BRD3: variants seen among roughly 807,000 people sequenced by gnomAD.
BRD3 encodes the protein bromodomain-containing protein 3.
Under a neutral mutation model 66.8 loss-of-function variants are expected in BRD3, and 17 were observed. The ratio of observed to expected loss-of-function variants is 0.25; its 90% CI spans 0.17 to 0.38. The LOEUF is 0.38. Among genes scored for constraint, BRD3 ranks in the 10% least tolerant of loss-of-function variants. The pLI, the probability that BRD3 is intolerant of heterozygous loss-of-function variation, is 1.00. For synonymous variants in BRD3, 421 were observed against 393.2 expected (o/e 1.07, Z -0.84); for missense variants, 713 against 956.1 (o/e 0.75, Z 3.35).
At chr9:134,035,812 C>A (rs564548945) in intron 10 of BRD3, among the ~76,000 whole-genome samples, 2 of 152,358 alleles carry the variant, frequency 1.3e-5, no homozygotes, top group African/African-American at 4.8e-5. Flanking sequence ...GGAAAGAGGG[C>A]TCTGGCTGGG....
intron 1 of BRD3, among the ~76,000 whole-genome samples, chr9:134,059,515 G>A (rs777288931): frequency 7.0e-6 from 1 of 143,544 alleles, no homozygotes; most frequent in African/African-American, 2.6e-5. Context: ...CCTTCGTGCC[G>A]CAATCCCTCC....
chr9:134,050,380 G>T lies in BRD3; in HGVS notation c.708C>A (p.Val236=). 1 of 1,610,570 alleles carries T rather than the reference G, an allele frequency of 6.2e-7. No homozygotes were observed. The highest frequency in any genetic ancestry group is 8.5e-7 in the Non-Finnish European group (1 of 1,179,482). ...IVPVVPPTPP[V]VKKKGVKRKA... ...CCGGACTCAGGGTGCTCACCTTGACGACAGGCGGCGTAGGAGGGACCACGG... is the reference window on the plus strand; with the variant it reads ...CCGGACTCAGGGTGCTCACCTTGACTACAGGCGGCGTAGGAGGGACCACGG... Residue 236 remains valine, a synonymous_variant, in exon 5 of 12, where the codon GTC becomes GTA. Transcript: ENST00000303407.
chr9:134,050,276 A>G, intron 5 of BRD3, 98 bp downstream of exon 5: 9 of 1,108,644 alleles, frequency 8.1e-6, no homozygotes, highest in Non-Finnish European at 1.2e-5. Flanking sequence ...GCCAGCACTC[A>G]GGGAAAGGTG....
At chr9:134,042,644 T>TACACACAC (rs1291806834) in intron 7 of BRD3, among the ~76,000 whole-genome samples, 14 of 128,872 alleles carry the variant, frequency 1.1e-4, no homozygotes, top group South Asian at 3.1e-4. Context: ...CTCAAATATA[T>TACACACAC]ATACACACAC....
At chr9:134,061,769 T>G (rs1310763087) in intron 1 of BRD3, among the ~76,000 whole-genome samples, 1 of 152,246 alleles carries the variant, frequency 6.6e-6, no homozygotes, top group South Asian at 2.1e-4. Flanking sequence ...AGAGCCAGCT[T>G]GAACAAAGCT....
rs538807645 is a variant in BRD3, at chr9:134,046,812, G to A, written c.1086+1271C>T. The stretch of plus-strand genomic sequence containing the variant: ...GAGGTGGGAAGCTCCGAACAAAGCA[G>A]ATCATGACTTTAAAGTGAATTGTTT... On this transcript the variant is annotated intron_variant, in intron 6 of 11. Coordinates refer to ENST00000303407, the MANE Select transcript of BRD3 (RefSeq NM_007371.4). Among the ~76,000 whole-genome samples, 335 of 152,346 alleles carry A rather than the reference G, an allele frequency of 2.2e-3. 2 individuals are homozygous for A. Among genetic ancestry groups the A allele is most frequent in the Non-Finnish European group, 3.9e-3 (262 of 68,038 alleles).
chr9:134,036,499 G>T, intron 9 of BRD3, 175 bp from the exon 10 acceptor site: 1 of 1,590,026 alleles, frequency 6.3e-7, no homozygotes, highest in South Asian at 1.2e-5. Flanking sequence ...CCAGCTGCGG[G>T]GTTTCCAGCC....
In BRD3 at chr9:134,051,715, GAC is replaced by G. The variant is rs1830300318; in HGVS notation, c.352-8_352-7del. On this transcript the variant is annotated splice_polypyrimidine_tract_variant and splice_region_variant and intron_variant, in intron 3 of 11. Coordinates refer to ENST00000303407, the MANE Select transcript of BRD3 (RefSeq NM_007371.4). ...AGCACTATGTCATCTGTGGGCTGAA[GAC>G]ACAGAGAGTCCAGGTCACGTGTCAG... is the stretch of plus-strand genomic sequence containing the variant. 6 of 1,591,052 alleles carry G rather than the reference GAC, an allele frequency of 3.8e-6. No individual in the cohort carries two copies. In the East Asian group the frequency reaches 1.1e-4, roughly 30 times the overall value.
At chr9:134,051,275 AG>A (rs1554829280) in intron 4 of BRD3, among the ~76,000 whole-genome samples, 1 of 152,210 alleles carries the variant, frequency 6.6e-6, no homozygotes, top group African/African-American at 2.4e-5. Flanking sequence ...AAGGGGGAGC[AG>A]GATTTGGGAG....
chr9:134,060,212 G>A (rs1312770405), intron 1 of BRD3, among the ~76,000 whole-genome samples: 3 of 152,224 alleles, frequency 2.0e-5, no homozygotes, highest in Non-Finnish European at 2.9e-5. Flanking sequence ...AAGAGGATCC[G>A]AAACTGCCCA....
chr9:134,067,708 C>G (rs1240920514), intron 1 of BRD3, among the ~76,000 whole-genome samples: 2 of 145,586 alleles, frequency 1.4e-5, no homozygotes, highest in Non-Finnish European at 1.5e-5. Context: ...GGGAGCGGAG[C>G]CCGCGCCACC....
Position 134,045,286 on chromosome 9 carries a change from G to A in BRD3, c.1215+7C>T, listed in dbSNP as rs201467296. 4.6e-5 allele frequency: 75 copies of A among 1,613,040 alleles called. No homozygotes were observed. The highest frequency in any genetic ancestry group is 1.6e-4 in the Middle Eastern group (1 of 6,082). On this transcript the variant is annotated splice_region_variant and intron_variant, in intron 7 of 11. Coordinates refer to ENST00000303407, the MANE Select transcript of BRD3 (RefSeq NM_007371.4). The surrounding 1 kb of genome is among the most constrained non-coding windows in gnomAD (Gnocchi z 4.8). ...AGCAGCCCCACCCGTGCCCAGCCTC[G>A]GGTTACCTGGAGCTTCCGGGCCATG...
At position 134,033,938 on chromosome 9, in the gene BRD3, G is replaced by A. The variant is rs955538147; in HGVS notation, c.2066-233C>T. 3.3e-5 allele frequency among the ~76,000 whole-genome samples: 5 copies of A among 152,210 alleles called. No homozygotes were observed. The highest frequency in any genetic ancestry group is 1.9e-4 in the East Asian group (1 of 5,192). On this transcript the variant is annotated intron_variant, in intron 11 of 11. Coordinates refer to ENST00000303407, the MANE Select transcript of BRD3 (RefSeq NM_007371.4). The surrounding 1 kb of genome is among the most constrained non-coding windows in gnomAD (Gnocchi z 5.1). ...ACTACTAACAGGAAATGATGGATGC[G>A]AGAAAGGCTGCCCATCAAAAACATC...
chr9:134,034,267 C>G, intron 11 of BRD3, among the ~76,000 whole-genome samples: 1 of 152,232 alleles, frequency 6.6e-6, no homozygotes, highest in Admixed American at 6.5e-5. Flanking sequence ...ATGCTGGCTC[C>G]CCTGAGCAAA....
Position 134,053,402 on chromosome 9 carries a change from C to T in BRD3, c.76G>A (p.Val26Ile). Residue 26 changes from valine (V) to isoleucine (I), a missense_variant, in exon 2 of 12, where the codon GTC (valine) becomes ATC (isoleucine). Val to Ile is a conservative substitution (Grantham distance 29). This residue lies in a region of BRD3 where 48 missense variants were observed against 42.5 expected (regional missense o/e 1.13). Transcript: ENST00000303407. ...PGPVNPPPPE[V>I]SNPSKPGRKT... Reference sequence around the variant, plus strand: ...CGGCCGGGCTTGCTGGGGTTGGAGACCTCCGGGGGGGGTGGGTTCACAGGG... The same window carrying T: ...CGGCCGGGCTTGCTGGGGTTGGAGATCTCCGGGGGGGGTGGGTTCACAGGG... The T allele has an allele frequency of 6.2e-7, 1 of 1,612,826 alleles. No homozygotes were observed. Among genetic ancestry groups the T allele is most frequent in the Non-Finnish European group, 8.5e-7 (1 of 1,179,914 alleles).
intron 7 of BRD3, among the ~76,000 whole-genome samples, chr9:134,042,820 T>C (rs566702849): frequency 1.3e-5 from 2 of 150,682 alleles, no homozygotes; most frequent in South Asian, 2.1e-4. Flanking sequence ...CACACACACA[T>C]TTTTAAGTTT....
chr9:134,034,436 T>G, intron 11 of BRD3: 1 of 459,012 alleles, frequency 2.2e-6, no homozygotes, highest in Non-Finnish European at 3.9e-6. Context: ...AGCCCTCTCC[T>G]GGGGGGTCCT....
Position 134,036,132 on chromosome 9 carries a change from G to A in BRD3, c.1836C>T (p.Asp612=), listed in dbSNP as rs448698. 0.03 allele frequency: 47,658 copies of A among 1,614,166 alleles called. 810 individuals are homozygous for A. Among genetic ancestry groups the A allele is most frequent in the Non-Finnish European group, 0.035 (41,647 of 1,180,012 alleles). Residue 612 remains aspartate, a synonymous_variant, in exon 10 of 12, where the codon GAC becomes GAT. Coordinates refer to ENST00000303407, the MANE Select transcript of BRD3 (RefSeq NM_007371.4). ...GAGTCTCAAAGTCAATTTCTATCTC[G>A]TCGGGGTTGGAGTCCCTGAGCGAGG... is the stretch of plus-strand genomic sequence containing the variant. ...REPSLRDSNP[D]EIEIDFETLK...
chr9:134,041,470 G>A (rs1179992362), intron 8 of BRD3, among the ~76,000 whole-genome samples: 2 of 152,172 alleles, frequency 1.3e-5, no homozygotes, highest in African/African-American at 2.4e-5. Context: ...CTGGAGCAGA[G>A]CAAGGCACAC....
Sources: gnomAD v4.1 joint callset for allele counts (sites outside exome capture counted in the v4.1 genomes callset) on GRCh38, gnomAD v4.1.1 for gene constraint, gnomAD v4.1.1 regional missense constraint, Gnocchi (gnomAD v3.1) non-coding constraint, MANE v1.5 for transcripts, NCBI Gene and HGNC (gene_info 2026-07-23, HGNC 2026-07-21) for gene names.